Variants in FGGY observed in about 807,000 individuals in gnomAD.
FGGY encodes the protein FGGY carbohydrate kinase domain-containing protein.
In FGGY, 72 loss-of-function variants were observed where a neutral mutation model predicts 71.3. The ratio of observed to expected loss-of-function variants is 1.01; its 90% CI spans 0.84 to 1.23. The LOEUF is 1.23. Among genes scored for constraint, FGGY ranks in the 50% most tolerant of loss-of-function variants. The probability of loss-of-function intolerance (pLI) is 0.00; values close to 1 mark genes in which losing one functional copy is unlikely to be tolerated. For missense variants in FGGY, 668 were observed against 682.3 expected (o/e 0.98, Z 0.23); for synonymous variants, 251 against 250.3 (o/e 1.00, Z -0.02).
intron 6 of FGGY, among the ~76,000 whole-genome samples, chr1:59,486,759 G>A (rs2093670313): frequency 6.6e-6 from 1 of 152,118 alleles, no homozygotes; most frequent in Non-Finnish European, 1.5e-5. Context: ...TCTACTGTGT[G>A]GTGAAATCCC....
chr1:59,626,086 G>C (rs377584041), intron 10 of FGGY, 37 bp downstream of exon 10: 1 of 1,579,250 alleles, frequency 6.3e-7, no homozygotes. Flanking sequence ...AATTTTCCTT[G>C]TGTGACTGTA....
chr1:59,682,398 C>A (rs2097508976), intron 14 of FGGY, among the ~76,000 whole-genome samples: 1 of 152,194 alleles, frequency 6.6e-6, no homozygotes, highest in Non-Finnish European at 1.5e-5. Flanking sequence ...AAACAGAGGG[C>A]ACCCTCAAAT....
chr1:59,598,274 A>G (rs533469433), intron 8 of FGGY, among the ~76,000 whole-genome samples: 1 of 152,336 alleles, frequency 6.6e-6, no homozygotes, highest in East Asian at 1.9e-4. Flanking sequence ...TCTATAGGAG[A>G]GAGAAAATGT....
chr1:59,599,360 C>G (rs555364298), intron 8 of FGGY, among the ~76,000 whole-genome samples: 3 of 152,154 alleles, frequency 2.0e-5, no homozygotes, highest in African/African-American at 7.2e-5. Context: ...CTGGCCTTAG[C>G]CTCCCAAAGT....
intron 14 of FGGY, among the ~76,000 whole-genome samples, chr1:59,675,001 G>A (rs573170974): frequency 6.6e-6 from 1 of 152,290 alleles, no homozygotes; most frequent in South Asian, 2.1e-4. Context: ...CGCATCGTGA[G>A]TTCTGTGTGT....
chr1:59,299,412 T>C (rs1440645074), intron 1 of FGGY, among the ~76,000 whole-genome samples: 1 of 152,202 alleles, frequency 6.6e-6, no homozygotes, highest in Non-Finnish European at 1.5e-5. Flanking sequence ...GTTTATGTTA[T>C]AGAAAATTAA....
intron 7 of FGGY, among the ~76,000 whole-genome samples, chr1:59,546,221 C>T (rs1402827505): frequency 6.6e-6 from 1 of 152,112 alleles, no homozygotes; most frequent in African/African-American, 2.4e-5. Context: ...TATCATCATT[C>T]CAATTTTATA....
chr1:59,436,908 T>C (rs1177301230), intron 5 of FGGY, among the ~76,000 whole-genome samples: 1 of 152,128 alleles, frequency 6.6e-6, no homozygotes, highest in East Asian at 1.9e-4. Context: ...TGGAGAAAGG[T>C]CAGGAGGTGG....
chr1:59,320,045 G>A (rs146507026), intron 1 of FGGY, among the ~76,000 whole-genome samples: 253 of 152,292 alleles, frequency 1.7e-3, no homozygotes, highest in African/African-American at 5.8e-3. Flanking sequence ...GGTCCCCAAG[G>A]GGAATGTAAG....
chr1:59,612,336 A>G (rs886561789), intron 9 of FGGY, among the ~76,000 whole-genome samples: 6 of 152,220 alleles, frequency 3.9e-5, no homozygotes, highest in Non-Finnish European at 7.3e-5. Flanking sequence ...AGTGGGGGCC[A>G]ATATTCAACA....
Position 59,625,979 on chromosome 1 carries a change from AT to A in FGGY, c.1012-4del. The A allele has an allele frequency of 6.3e-7, 1 of 1,593,024 alleles. No individual in the cohort carries two copies. Among genetic ancestry groups the A allele is most frequent in the Non-Finnish European group, 8.5e-7 (1 of 1,170,718 alleles). On this transcript the variant is annotated splice_polypyrimidine_tract_variant and splice_region_variant and intron_variant, in intron 9 of 15. Coordinates refer to ENST00000303721, the MANE Select transcript of FGGY (RefSeq NM_018291.5). The stretch of plus-strand genomic sequence containing the variant: ...GCTATAAAATTGACCCATGTCTCTT[AT>A]TTTTCAGATAGACCACATGGTACAA...
intron 8 of FGGY, among the ~76,000 whole-genome samples, chr1:59,594,552 T>C (rs1163267563): frequency 6.6e-6 from 1 of 152,118 alleles, no homozygotes; most frequent in African/African-American, 2.4e-5. Context: ...AAGGAATCAG[T>C]TCCACTAGCC....
At chr1:59,705,483 C>G (rs2097750975) in intron 14 of FGGY, among the ~76,000 whole-genome samples, 1 of 152,254 alleles carries the variant, frequency 6.6e-6, no homozygotes. Flanking sequence ...CAGAACATAC[C>G]AGGCTGGCAG....
chr1:59,312,535 G>T (rs1356565163), intron 1 of FGGY, among the ~76,000 whole-genome samples: 1 of 152,196 alleles, frequency 6.6e-6, no homozygotes, highest in African/African-American at 2.4e-5. Context: ...GGAACACAAG[G>T]GTTGAACAGA....
intron 3 of FGGY, 136 bp from the exon 4 acceptor site, chr1:59,346,111 T>C: frequency 1.7e-6 from 2 of 1,165,688 alleles, no homozygotes; most frequent in Non-Finnish European, 2.4e-6. Context: ...GCTGGTGTCC[T>C]TTCATTTTGC....
At chr1:59,652,299 T>C (rs1415289551) in intron 11 of FGGY, among the ~76,000 whole-genome samples, 2 of 147,954 alleles carry the variant, frequency 1.4e-5, no homozygotes, top group South Asian at 2.2e-4. Flanking sequence ...AACGTTGGCC[T>C]GCCTTGCTAG....
intron 7 of FGGY, among the ~76,000 whole-genome samples, chr1:59,551,097 G>C (rs2095601222): frequency 6.6e-6 from 1 of 152,168 alleles, no homozygotes; most frequent in Non-Finnish European, 1.5e-5. Flanking sequence ...TGATGATGAT[G>C]GTGATGATGG....
chr1:59,652,741 C>T (rs2097176471), intron 11 of FGGY, among the ~76,000 whole-genome samples: 1 of 151,278 alleles, frequency 6.6e-6, no homozygotes, highest in Non-Finnish European at 1.5e-5. Context: ...CTGAAGCCTT[C>T]TTCTCTCAGC....
At chr1:59,695,949 A>G (rs932754183) in intron 14 of FGGY, among the ~76,000 whole-genome samples, 1 of 151,974 alleles carries the variant, frequency 6.6e-6, no homozygotes, top group Non-Finnish European at 1.5e-5. Flanking sequence ...GCTTCTTCTT[A>G]GCAAAATAAA....
Sources: allele counts gnomAD v4.1 joint callset (sites outside exome capture counted in the v4.1 genomes callset), GRCh38; gene constraint gnomAD v4.1.1; transcripts MANE v1.5; gene names NCBI Gene and HGNC (gene_info 2026-07-23, HGNC 2026-07-21).